TRIM3: variants seen among roughly 807,000 people sequenced by gnomAD.
TRIM3 encodes the protein tripartite motif containing 3.
Under a neutral mutation model 66.6 loss-of-function variants are expected in TRIM3, and 13 were observed. That is an observed-to-expected ratio of 0.20 (90% CI 0.13 to 0.31). The LOEUF is 0.31. Among genes scored for constraint, TRIM3 ranks in the 10% least tolerant of loss-of-function variants. TRIM3 has a pLI of 1.00. For missense variants in TRIM3, 711 were observed against 1,020.4 expected (o/e 0.70, Z 4.13); for synonymous variants, 406 against 411.7 (o/e 0.99, Z 0.17).
Position 6,457,048 on chromosome 11 carries a change from G to C in TRIM3, c.697-19C>G, listed in dbSNP as rs1363009084. The C allele has an allele frequency of 1.3e-6, 2 of 1,574,912 alleles. No individual in the cohort carries two copies. Among genetic ancestry groups the C allele is most frequent in the African/African-American group, 2.7e-5 (2 of 74,540 alleles). ...GCAACACCTGATGAGGGGTAGGGGA[G>C]GAGTGGGTGAGCAGACTGGCACAGG... On this transcript the variant is annotated intron_variant, in intron 5 of 11. Coordinates refer to ENST00000345851, the MANE Select transcript of TRIM3 (RefSeq NM_033278.4). The surrounding 1 kb of genome is among the most constrained non-coding windows in gnomAD (Gnocchi z 4.5).
chr11:6,461,731 A>G (rs548589169), intron 2 of TRIM3, among the ~76,000 whole-genome samples: 1 of 151,658 alleles, frequency 6.6e-6, no homozygotes, highest in Admixed American at 6.6e-5. Flanking sequence ...TCCCCTTCCT[A>G]TTTGTCAAGT....
Position 6,458,283 on chromosome 11 carries a change from A to G in TRIM3, c.145T>C (p.Tyr49His). 1.9e-6 allele frequency: 3 copies of G among 1,613,178 alleles called. No individual in the cohort carries two copies. Among genetic ancestry groups the G allele is most frequent in the Non-Finnish European group, 2.5e-6 (3 of 1,179,228 alleles). The change falls in exon 3 of 12, where the codon TAT (tyrosine) becomes CAT (histidine). Residue 49 changes from tyrosine to histidine, a missense_variant. Around this residue, in one of 3 missense-constraint regions of TRIM3, gnomAD observed 149 missense variants for 240.3 expected, o/e 0.62. Transcript: ENST00000345851. This position sits in a 1 kb window ranked among gnomAD's most constrained non-coding sequence, Gnocchi z 6.2. ...HTFCERCLQN[Y>H]IPAQSLTLSC... The stretch of plus-strand genomic sequence containing the variant: ...AGCGTCAGGCTCTGGGCAGGGATAT[A>G]GTTTTGGAGACATCTGTCCAGGAAG...
intron 1 of TRIM3, among the ~76,000 whole-genome samples, chr11:6,467,668 G>C (rs1265659107): frequency 6.6e-6 from 1 of 152,208 alleles, no homozygotes; most frequent in Non-Finnish European, 1.5e-5. Context: ...GGGAGGCTGA[G>C]GTGGGAGGAT....
At chr11:6,453,753 A>G (rs1375068380) in intron 7 of TRIM3, among the ~76,000 whole-genome samples, 1 of 152,248 alleles carries the variant, frequency 6.6e-6, no homozygotes, top group African/African-American at 2.4e-5. Context: ...TCTTCTGTCA[A>G]CTGATGCTGG....
chr11:6,452,535 C>T (rs1849773099), intron 7 of TRIM3: 1 of 143,952 alleles, frequency 6.9e-6, no homozygotes, highest in Non-Finnish European at 1.5e-5. Context: ...CACCCCAACT[C>T]CATCTCTTAG....
intron 2 of TRIM3, among the ~76,000 whole-genome samples, chr11:6,461,134 G>A (rs1331910346): frequency 6.6e-6 from 1 of 152,054 alleles, no homozygotes. Context: ...TCAAACTCCT[G>A]ACCTCAGGTG....
At chr11:6,471,794 G>C (rs1007756636) in intron 1 of TRIM3, among the ~76,000 whole-genome samples, 6 of 152,084 alleles carry the variant, frequency 3.9e-5, no homozygotes, top group African/African-American at 1.4e-4. Context: ...ATTTGAGCTG[G>C]GTCTTGAGAG....
intron 1 of TRIM3, among the ~76,000 whole-genome samples, chr11:6,469,856 GA>G (rs1850612195): frequency 6.6e-6 from 1 of 152,152 alleles, no homozygotes; most frequent in Non-Finnish European, 1.5e-5. Context: ...TTCTCCTAAA[GA>G]AAGTAACTTT....
chr11:6,461,475 T>G (rs1191108310), intron 2 of TRIM3, among the ~76,000 whole-genome samples: 1 of 150,054 alleles, frequency 6.7e-6, no homozygotes, highest in African/African-American at 2.5e-5. Flanking sequence ...CTTCTTCCAT[T>G]ACCCCCCGCA....
In TRIM3 at chr11:6,456,826, A is replaced by G. The variant is rs969962859; in HGVS notation, c.900T>C (p.Leu300=). 1 of 1,613,026 alleles carries G rather than the reference A, an allele frequency of 6.2e-7. No homozygotes were observed. Among genetic ancestry groups the G allele is most frequent in the East Asian group, 2.2e-5 (1 of 44,878 alleles). ...PHENAQLELV[L]EVDGLRRSVL... ...CCGATCGCCGCAGACCGTCCACCTC[A>G]AGGACCAGTTCCAGCTGTGCATTCT... The change falls in exon 6 of 12, where the codon CTT becomes CTC. Residue 300 remains leucine, a synonymous_variant. Transcript: ENST00000345851. This position sits in a 1 kb window ranked among gnomAD's most constrained non-coding sequence, Gnocchi z 6.4.
chr11:6,454,845 CAT>C (rs1305210298), intron 7 of TRIM3, among the ~76,000 whole-genome samples: 2 of 152,180 alleles, frequency 1.3e-5, no homozygotes, highest in Non-Finnish European at 2.9e-5. Flanking sequence ...GGATCGATGA[CAT>C]GAGTACTCAA....
rs775651527 is a variant in TRIM3, at chr11:6,456,169, C to G, written c.1436G>C (p.Arg479Pro). The G allele has an allele frequency of 2.5e-6, 4 of 1,614,110 alleles. No homozygotes were observed. The highest frequency in any genetic ancestry group is 3.4e-6 in the Non-Finnish European group (4 of 1,180,000). Reference sequence around the variant, plus strand: ...GGTGAATTCACCTTTCTCCCTTCCACGACTGCCTGTGGGAAGGGACAGGAG... The same window carrying G: ...GGTGAATTCACCTTTCTCCCTTCCAGGACTGCCTGTGGGAAGGGACAGGAG... ...EDELVFRVGS[R>P]GREKGEFTNL... Residue 479 changes from arginine (R) to proline (P), a missense_variant, in exon 7 of 12, where the codon CGT (arginine) becomes CCT (proline). Arg to Pro is a moderately radical substitution (Grantham distance 103). This residue lies in a region of TRIM3 where 399 missense variants were observed against 458.1 expected (regional missense o/e 0.87). Transcript: ENST00000345851. The surrounding 1 kb of genome is among the most constrained non-coding windows in gnomAD (Gnocchi z 6.4).
Position 6,456,728 on chromosome 11 carries a change from C to T in TRIM3, c.998G>A (p.Arg333His). 6 of 1,609,676 alleles carry T rather than the reference C, an allele frequency of 3.7e-6. No homozygotes were observed. Among genetic ancestry groups the T allele is most frequent in the Non-Finnish European group, 5.1e-6 (6 of 1,179,294 alleles). The change falls in exon 6 of 12, where the codon CGC becomes CAC. Residue 333 changes from arginine to histidine, a missense_variant. Around this residue, in one of 3 missense-constraint regions of TRIM3, gnomAD observed 399 missense variants for 458.1 expected, o/e 0.87. Coordinates refer to ENST00000345851, the MANE Select transcript of TRIM3 (RefSeq NM_033278.4). The surrounding 1 kb of genome is among the most constrained non-coding windows in gnomAD (Gnocchi z 6.4). ...HETVATGEGL[R>H]QALVGQPASL... is the part of the protein sequence containing the mutation. ...GGCAGGCTGGCCCACTAGCGCCTGG[C>T]GCAGGCCCTCTCCCGTGGCCACCGT... is the stretch of plus-strand genomic sequence containing the variant.
At chr11:6,451,592 G>T in intron 7 of TRIM3, 154 bp from the exon 8 acceptor site, 1 of 753,522 alleles carries the variant, frequency 1.3e-6, no homozygotes, top group East Asian at 2.7e-5. Context: ...CATGGCAGCA[G>T]GTCTGGGGCA....
chr11:6,462,157 T>C (rs1013749202), intron 2 of TRIM3, among the ~76,000 whole-genome samples: 3 of 152,354 alleles, frequency 2.0e-5, no homozygotes, highest in East Asian at 1.9e-4. Flanking sequence ...TTGATGACTA[T>C]ATAGAATAGT....
At chr11:6,453,542 C>T (rs73400810) in intron 7 of TRIM3, among the ~76,000 whole-genome samples, 92 of 152,168 alleles carry the variant, frequency 6.0e-4, no homozygotes, top group Middle Eastern at 3.4e-3. Flanking sequence ...AAAACAAAAA[C>T]AAACCAGTGA....
chr11:6,457,628 C>T lies in TRIM3; in HGVS notation c.515+68G>A. The T allele has an allele frequency of 1.3e-6, 2 of 1,568,420 alleles. No individual in the cohort carries two copies. The highest frequency in any genetic ancestry group is 2.3e-5 in the South Asian group (2 of 85,158). ...TCTGCCCTTCCCAGACCCTTTATTC[C>T]CCTCCCCGCCCGAGCTAAGACACCA... is the stretch of plus-strand genomic sequence containing the variant. On this transcript the variant is annotated intron_variant, in intron 4 of 11. Coordinates refer to ENST00000345851, the MANE Select transcript of TRIM3 (RefSeq NM_033278.4). The surrounding 1 kb of genome is among the most constrained non-coding windows in gnomAD (Gnocchi z 4.5).
Position 6,456,880 on chromosome 11 carries a change from C to T in TRIM3, c.846G>A (p.Ala282=). Residue 282 remains alanine, a synonymous_variant, in exon 6 of 12, where the codon GCG becomes GCA. Transcript: ENST00000345851. This position sits in a 1 kb window ranked among gnomAD's most constrained non-coding sequence, Gnocchi z 6.4. Reference sequence around the variant, plus strand: ...GTGGCCGCTCCGGGAAGGCCTGTGCCGCCAATGCAGCCAGCCGCTCTCGCA... The same window carrying T: ...GTGGCCGCTCCGGGAAGGCCTGTGCTGCCAATGCAGCCAGCCGCTCTCGCA... The part of the protein sequence containing the change: ...KHMRERLAAL[A]AQAFPERPHE... 3 of 1,612,520 alleles carry T rather than the reference C, an allele frequency of 1.9e-6. No homozygotes were observed. Among genetic ancestry groups the T allele is most frequent in the Non-Finnish European group, 2.5e-6 (3 of 1,179,956 alleles).
At position 6,457,425 on chromosome 11, in the gene TRIM3, C is replaced by T; in HGVS notation, c.567G>A (p.Gln189=). 6.2e-7 allele frequency: 1 copy of T among 1,613,584 alleles called. No homozygotes were observed. The highest frequency in any genetic ancestry group is 8.5e-7 in the Non-Finnish European group (1 of 1,180,034). Residue 189 remains glutamine (Q), a synonymous_variant, in exon 5 of 12, where the codon CAG becomes CAA. Transcript: ENST00000345851. The surrounding 1 kb of genome is among the most constrained non-coding windows in gnomAD (Gnocchi z 4.5). ...GGGCCTCTGCCTTGCGCTCCTGCAG[C>T]TGCTGGCTGATGCCCCCGACTAAGG... is the stretch of plus-strand genomic sequence containing the variant. ...AIALVGGISQ[Q]LQERKAEALA...
Sources: gnomAD v4.1 joint callset for allele counts (sites outside exome capture counted in the v4.1 genomes callset) on GRCh38, gnomAD v4.1.1 for gene constraint, gnomAD v4.1.1 regional missense constraint, Gnocchi (gnomAD v3.1) non-coding constraint, MANE v1.5 for transcripts, NCBI Gene and HGNC (gene_info 2026-07-23, HGNC 2026-07-21) for gene names.